The following EPHA6 variants were observed in gnomAD, a reference collection of about 807,000 sequenced individuals.
EPHA6 encodes ephrin type-A receptor 6.
Under a neutral mutation model 112.0 loss-of-function variants are expected in EPHA6, and 50 were observed. The ratio of observed to expected loss-of-function variants is 0.45; its 90% CI spans 0.36 to 0.56. The LOEUF (loss-of-function observed/expected upper bound fraction) is 0.56. EPHA6 is among the 20% of genes least tolerant of loss of function. EPHA6 has a pLI of 0.00. For synonymous variants in EPHA6, 529 were observed against 490.7 expected (o/e 1.08, Z -1.03); for missense variants, 1,280 against 1,417.4 (o/e 0.90, Z 1.56).
At chr3:97,011,828 A>G (rs1035682011) in intron 3 of EPHA6, among the ~76,000 whole-genome samples, 3 of 152,114 alleles carry the variant, frequency 2.0e-5, no homozygotes, top group African/African-American at 7.2e-5. Context: ...TTCAGTGTCC[A>G]TTGTTGCCAT....
intron 6 of EPHA6, among the ~76,000 whole-genome samples, chr3:97,417,509 T>C (rs1237000961): frequency 6.6e-6 from 1 of 152,142 alleles, no homozygotes; most frequent in African/African-American, 2.4e-5. Flanking sequence ...TTTGCAAGGC[T>C]CTTTCTTTAC....
At chr3:97,679,552 G>C (rs189952706) in intron 14 of EPHA6, among the ~76,000 whole-genome samples, 175 of 152,208 alleles carry the variant, frequency 1.1e-3, no homozygotes, top group Non-Finnish European at 2.0e-3. Context: ...CTTAATGAAA[G>C]AATCATTAAC....
At chr3:96,978,895 A>G (rs1411087017) in intron 2 of EPHA6, among the ~76,000 whole-genome samples, 1 of 152,170 alleles carries the variant, frequency 6.6e-6, no homozygotes, top group Non-Finnish European at 1.5e-5. Context: ...ATTTGTAAAT[A>G]AGGAAATATT....
Position 96,829,637 on chromosome 3 carries a change from G to A in EPHA6, c.385+14629G>A, listed in dbSNP as rs191623367. 7.2e-3 allele frequency among the ~76,000 whole-genome samples: 1,089 copies of A among 152,122 alleles called. 16 individuals are homozygous for A. Among genetic ancestry groups the A allele is most frequent in the African/African-American group, 0.025 (1,020 of 41,502 alleles). On this transcript the variant is annotated intron_variant, in intron 1 of 17. Transcript: ENST00000389672. ...CAATTAGTGCTTCTTTATATATGCA[G>A]CAATTTATGGCAGTATAGGAGCTCT...
intron 1 of EPHA6, among the ~76,000 whole-genome samples, chr3:96,840,667 G>C (rs1279417719): frequency 6.6e-6 from 1 of 152,066 alleles, no homozygotes; most frequent in African/African-American, 2.4e-5. Context: ...TACAATTCTG[G>C]AGTGGGCAAG....
chr3:96,906,488 T>C (rs146644673), intron 2 of EPHA6, among the ~76,000 whole-genome samples: 2,188 of 152,132 alleles, frequency 0.014, 35 homozygotes, highest in Middle Eastern at 0.027. Flanking sequence ...TTGAACGTCT[T>C]GAACACTCTT....
intron 1 of EPHA6, among the ~76,000 whole-genome samples, chr3:96,841,610 T>C (rs1287472465): frequency 6.6e-6 from 1 of 152,078 alleles, no homozygotes; most frequent in Non-Finnish European, 1.5e-5. Context: ...AGCAGTCAGA[T>C]TGGTGGCTCC....
At chr3:97,494,893 A>T (rs2107534527) in intron 10 of EPHA6, among the ~76,000 whole-genome samples, 1 of 152,264 alleles carries the variant, frequency 6.6e-6, no homozygotes, top group African/African-American at 2.4e-5. Flanking sequence ...CTTTTCAACC[A>T]TTTCCATCCG....
chr3:97,707,457 A>T (rs190703068), intron 14 of EPHA6, among the ~76,000 whole-genome samples: 23 of 152,364 alleles, frequency 1.5e-4, no homozygotes, highest in African/African-American at 5.0e-4. Context: ...CATAAGAGGA[A>T]TAATCACTTT....
chr3:97,483,329 C>T (rs1000158945), intron 9 of EPHA6, among the ~76,000 whole-genome samples: 10 of 152,180 alleles, frequency 6.6e-5, no homozygotes, highest in Admixed American at 6.5e-4. Flanking sequence ...TCCTTCCCAC[C>T]AGGATAGACA....
At chr3:97,549,505 C>A (rs2093001264) in intron 11 of EPHA6, among the ~76,000 whole-genome samples, 1 of 152,144 alleles carries the variant, frequency 6.6e-6, no homozygotes, top group Non-Finnish European at 1.5e-5. Context: ...TCATTGGAGG[C>A]AGCAAGACTA....
chr3:97,029,503 A>C (rs1435102684), intron 3 of EPHA6, among the ~76,000 whole-genome samples: 1 of 152,082 alleles, frequency 6.6e-6, no homozygotes, highest in Non-Finnish European at 1.5e-5. Flanking sequence ...TGAAGCACAA[A>C]ATAATACATA....
At chr3:97,084,597 G>C (rs1485304296) in intron 3 of EPHA6, among the ~76,000 whole-genome samples, 1 of 151,888 alleles carries the variant, frequency 6.6e-6, no homozygotes, top group Non-Finnish European at 1.5e-5. Flanking sequence ...ACATTTATTT[G>C]CACCAATAAC....
At chr3:97,240,568 A>G (rs1437980749) in intron 4 of EPHA6, among the ~76,000 whole-genome samples, 1 of 151,868 alleles carries the variant, frequency 6.6e-6, no homozygotes, top group Non-Finnish European at 1.5e-5. Flanking sequence ...TTTTCAGCCC[A>G]TATGAAAAAT....
intron 3 of EPHA6, among the ~76,000 whole-genome samples, chr3:97,170,319 G>T (rs984044381): frequency 6.6e-6 from 1 of 152,126 alleles, no homozygotes; most frequent in African/African-American, 2.4e-5. Flanking sequence ...CATGTTTTAT[G>T]ACTGAAAGAC....
intron 5 of EPHA6, among the ~76,000 whole-genome samples, chr3:97,262,870 T>C (rs2079547985): frequency 6.6e-6 from 1 of 152,184 alleles, no homozygotes; most frequent in South Asian, 2.1e-4. Context: ...TGGCTCATTC[T>C]AGGCACCCAG....
chr3:96,844,453 C>A (rs2034947978), intron 1 of EPHA6, among the ~76,000 whole-genome samples: 1 of 151,940 alleles, frequency 6.6e-6, no homozygotes, highest in Admixed American at 6.6e-5. Flanking sequence ...ACATATGTTA[C>A]TTTTTCTAAT....
intron 12 of EPHA6, among the ~76,000 whole-genome samples, chr3:97,595,512 G>T (rs917119620): frequency 2.0e-5 from 3 of 152,106 alleles, no homozygotes; most frequent in Admixed American, 2.0e-4. Context: ...GGGCATGGTG[G>T]CGGGCACCTG....
chr3:97,462,177 TA>T (rs2090912031), intron 7 of EPHA6, among the ~76,000 whole-genome samples: 1 of 152,190 alleles, frequency 6.6e-6, no homozygotes, highest in Non-Finnish European at 1.5e-5. Context: ...CTCCATCTAT[TA>T]AATGTAGGTA....
Sources: gnomAD v4.1 joint callset for allele counts (sites outside exome capture counted in the v4.1 genomes callset) on GRCh38, gnomAD v4.1.1 for gene constraint, MANE v1.5 for transcripts, NCBI Gene and HGNC (gene_info 2026-07-23, HGNC 2026-07-21) for gene names.